TRPM6: variants seen among roughly 807,000 people sequenced by gnomAD.
The protein encoded by TRPM6 is transient receptor potential cation channel subfamily M member 6.
A neutral mutation model predicts 247.6 loss-of-function variants in TRPM6; 111 were observed. That is an observed-to-expected ratio of 0.45 (90% CI 0.38 to 0.52). The LOEUF is 0.52. TRPM6 is among the 20% of genes least tolerant of loss of function. The pLI, the probability that TRPM6 is intolerant of heterozygous loss-of-function variation, is 0.00. For synonymous variants in TRPM6, 892 were observed against 853.8 expected (o/e 1.04, Z -0.78); for missense variants, 2,126 against 2,421.5 (o/e 0.88, Z 2.56).
chr9:74,802,426 G>A (rs1025383125), intron 15 of TRPM6, among the ~76,000 whole-genome samples: 1 of 152,178 alleles, frequency 6.6e-6, no homozygotes, highest in Non-Finnish European at 1.5e-5. Flanking sequence ...ACTTAAAGCA[G>A]TGCCTCTTTA....
At chr9:74,839,987 A>C in intron 5 of TRPM6, 37 bp downstream of exon 5, 1 of 1,495,838 alleles carries the variant, frequency 6.7e-7, no homozygotes. Flanking sequence ...GGGAGGGTGA[A>C]AGAGAGGGTG....
chr9:74,735,948 G>C (rs1354423785), intron 36 of TRPM6, among the ~76,000 whole-genome samples: 1 of 152,164 alleles, frequency 6.6e-6, no homozygotes, highest in Admixed American at 6.5e-5. Context: ...TCTCAAAGCG[G>C]TAGGGAACCA....
chr9:74,814,744 A>T (rs1191297618), intron 11 of TRPM6, among the ~76,000 whole-genome samples: 1 of 152,176 alleles, frequency 6.6e-6, no homozygotes, highest in African/African-American at 2.4e-5. Context: ...TGAGCCTAGG[A>T]GTTCGACCAG....
At chr9:74,835,890 C>T (rs1161901448) in intron 5 of TRPM6, among the ~76,000 whole-genome samples, 1 of 152,070 alleles carries the variant, frequency 6.6e-6, no homozygotes, top group Non-Finnish European at 1.5e-5. Context: ...ACACAGCCTC[C>T]CCGACTATCA....
At chr9:74,795,233 G>A (rs754403265) in intron 18 of TRPM6, among the ~76,000 whole-genome samples, 1 of 152,146 alleles carries the variant, frequency 6.6e-6, no homozygotes, top group Non-Finnish European at 1.5e-5. Flanking sequence ...GGCCTACCCT[G>A]CTTCCAGCCA....
intron 11 of TRPM6, among the ~76,000 whole-genome samples, chr9:74,816,395 A>C (rs1828926492): frequency 6.6e-6 from 1 of 151,216 alleles, no homozygotes; most frequent in African/African-American, 2.4e-5. Flanking sequence ...TAAATATATT[A>C]AAATAAAAAC....
intron 1 of TRPM6, among the ~76,000 whole-genome samples, chr9:74,883,687 T>C (rs1398694197): frequency 6.6e-6 from 1 of 152,118 alleles, no homozygotes; most frequent in African/African-American, 2.4e-5. Context: ...GATCAATATA[T>C]ACAATATGAT....
chr9:74,779,179 A>T (rs1354285882), intron 23 of TRPM6, among the ~76,000 whole-genome samples: 2 of 152,168 alleles, frequency 1.3e-5, no homozygotes, highest in Non-Finnish European at 2.9e-5. Context: ...CGGGAGGTTG[A>T]GGTGGGAGGA....
rs374536091 is a variant in TRPM6, at chr9:74,807,690, G to A, written c.1638+344C>T. ...TTAAGCTTTTGATATCAGTATTTTC[G>A]GAAGAAAAAAAGAAAAGAAAAAAAA... On this transcript the variant is annotated intron_variant, in intron 14 of 38. Transcript: ENST00000360774. Among the ~76,000 whole-genome samples, 117 of 151,322 alleles carry A rather than the reference G, an allele frequency of 7.7e-4. No homozygotes were observed. The South Asian group carries it at 8.6e-3, about 11-fold the overall frequency.
At chr9:74,828,617 T>C (rs1177424778) in intron 6 of TRPM6, among the ~76,000 whole-genome samples, 1 of 151,678 alleles carries the variant, frequency 6.6e-6, no homozygotes, top group African/African-American at 2.4e-5. Flanking sequence ...TAAATATTTT[T>C]TTTTCCTTTC....
intron 36 of TRPM6, among the ~76,000 whole-genome samples, chr9:74,732,948 C>CT (rs1825572634): frequency 6.6e-6 from 1 of 152,098 alleles, no homozygotes; most frequent in South Asian, 2.1e-4. Context: ...AATCCCAGCT[C>CT]TTTGGGGGGT....
chr9:74,851,791 A>T (rs895469381), intron 3 of TRPM6, among the ~76,000 whole-genome samples: 3 of 147,260 alleles, frequency 2.0e-5, no homozygotes, highest in African/African-American at 4.9e-5. Context: ...ATATATATAT[A>T]ATATATATAT....
At chr9:74,733,026 T>C (rs1248422960) in intron 36 of TRPM6, among the ~76,000 whole-genome samples, 1 of 151,972 alleles carries the variant, frequency 6.6e-6, no homozygotes, top group Non-Finnish European at 1.5e-5. Context: ...AAATCCCATC[T>C]CTACTAAAAA....
At chr9:74,859,217 A>G (rs779845985) in intron 1 of TRPM6, among the ~76,000 whole-genome samples, 7 of 152,208 alleles carry the variant, frequency 4.6e-5, no homozygotes, top group Non-Finnish European at 8.8e-5. Context: ...GATTCGATAC[A>G]CATTCTGCAA....
chr9:74,783,065 TA>T (rs1827519940), intron 21 of TRPM6, among the ~76,000 whole-genome samples: 1 of 152,198 alleles, frequency 6.6e-6, no homozygotes, highest in African/African-American at 2.4e-5. Context: ...GTCTATGGAA[TA>T]ATATAAATGT....
At chr9:74,808,537 G>A (rs1828616308) in intron 13 of TRPM6, among the ~76,000 whole-genome samples, 1 of 152,070 alleles carries the variant, frequency 6.6e-6, no homozygotes, top group Non-Finnish European at 1.5e-5. Flanking sequence ...CTAATTGGAA[G>A]AGAAAAATAT....
intron 1 of TRPM6, among the ~76,000 whole-genome samples, chr9:74,886,587 C>T (rs1587616048): frequency 6.6e-6 from 1 of 150,496 alleles, no homozygotes; most frequent in East Asian, 2.0e-4. Context: ...ATCTGCTTTT[C>T]TCCTTTGGTT....
At chr9:74,876,136 T>A (rs892720091) in intron 1 of TRPM6, among the ~76,000 whole-genome samples, 1 of 152,194 alleles carries the variant, frequency 6.6e-6, no homozygotes, top group Non-Finnish European at 1.5e-5. Flanking sequence ...CAGGCTGGAA[T>A]GCAATGGCAT....
chr9:74,862,094 C>T (rs1362620007), intron 1 of TRPM6, among the ~76,000 whole-genome samples: 1 of 30,486 alleles, frequency 3.3e-5, no homozygotes, highest in Admixed American at 3.5e-4. Context: ...TCAAAACTAC[C>T]AGAAAAAAAA....
Sources: gnomAD v4.1 joint callset for allele counts (sites outside exome capture counted in the v4.1 genomes callset) on GRCh38, gnomAD v4.1.1 for gene constraint, MANE v1.5 for transcripts, NCBI Gene and HGNC (gene_info 2026-07-23, HGNC 2026-07-21) for gene names.